The following LTBP1 variants were observed in gnomAD, a reference collection of about 807,000 sequenced individuals.
The protein encoded by LTBP1 is latent transforming growth factor beta binding protein 1, also known as latent-transforming growth factor beta-binding protein 1.
In LTBP1, 129 loss-of-function variants were observed where a neutral mutation model predicts 207.6. The observed-to-expected ratio is 0.62, with a 90% confidence interval of 0.54 to 0.72. The LOEUF is 0.72. Among genes scored for constraint, LTBP1 ranks in the 30% least tolerant of loss-of-function variants. LTBP1 has a pLI of 0.00. For missense variants in LTBP1, 2,281 were observed against 2,217.2 expected, an observed-to-expected ratio of 1.03 and a Z score of -0.58; for synonymous variants, 963 against 833.7, an observed-to-expected ratio of 1.16 and a Z score of -2.67.
At chr2:32,969,735 T>TA (rs1303630938) in intron 2 of LTBP1, among the ~76,000 whole-genome samples, 1 of 152,208 alleles carries the variant, frequency 6.6e-6, no homozygotes, top group East Asian at 1.9e-4. Flanking sequence ...GTGATGAACA[T>TA]ATGCATGCAT....
intron 22 of LTBP1, among the ~76,000 whole-genome samples, chr2:33,306,386 A>G (rs2094094606): frequency 6.6e-6 from 1 of 151,950 alleles, no homozygotes; most frequent in Non-Finnish European, 1.5e-5. Context: ...CCTGGCCAAC[A>G]TGGTAAAACC....
intron 7 of LTBP1, among the ~76,000 whole-genome samples, chr2:33,205,242 G>C (rs544354355): frequency 1.1e-4 from 17 of 152,278 alleles, no homozygotes; most frequent in Admixed American, 4.6e-4. Context: ...ACTTCTCTCT[G>C]TTCCTTAAAT....
chr2:33,138,613 T>C (rs935786900), intron 5 of LTBP1, among the ~76,000 whole-genome samples: 13 of 152,284 alleles, frequency 8.5e-5, no homozygotes, highest in African/African-American at 3.1e-4. Flanking sequence ...ATTTTTAAAT[T>C]GTTTATAAAG....
At chr2:33,011,600 T>C (rs1307715306) in intron 2 of LTBP1, among the ~76,000 whole-genome samples, 2 of 152,014 alleles carry the variant, frequency 1.3e-5, no homozygotes, top group Non-Finnish European at 2.9e-5. Context: ...TGCATTGACC[T>C]TGGACTTTTA....
At chr2:33,315,354 T>A in intron 24 of LTBP1, 85 bp downstream of exon 24, 1 of 1,516,272 alleles carries the variant, frequency 6.6e-7, no homozygotes, top group Non-Finnish European at 9.0e-7. Context: ...TTGAAGACAC[T>A]AAGAGGTACT....
chr2:33,240,081 T>C (rs573114203), intron 9 of LTBP1, among the ~76,000 whole-genome samples: 1 of 152,336 alleles, frequency 6.6e-6, no homozygotes, highest in Admixed American at 6.5e-5. Flanking sequence ...CCAAATAGAA[T>C]TCTGGTTTAC....
At chr2:33,285,223 G>C (rs1463219289) in intron 19 of LTBP1, among the ~76,000 whole-genome samples, 1 of 151,352 alleles carries the variant, frequency 6.6e-6, no homozygotes, top group Non-Finnish European at 1.5e-5. Context: ...TGTATTTTTA[G>C]TAGAGATGGG....
At chr2:33,250,710 G>A (rs1235847910) in intron 10 of LTBP1, among the ~76,000 whole-genome samples, 1 of 152,184 alleles carries the variant, frequency 6.6e-6, no homozygotes, top group African/African-American at 2.4e-5. Flanking sequence ...CCGAGAGGGA[G>A]CTCATGCATG....
intron 31 of LTBP1, among the ~76,000 whole-genome samples, chr2:33,373,576 T>C (rs1374945838): frequency 6.6e-6 from 1 of 152,214 alleles, no homozygotes; most frequent in African/African-American, 2.4e-5. Flanking sequence ...TTGTCAGTTA[T>C]TCATACTCCT....
intron 2 of LTBP1, among the ~76,000 whole-genome samples, chr2:32,979,451 C>T (rs1254903467): frequency 1.3e-5 from 2 of 152,050 alleles, no homozygotes; most frequent in Non-Finnish European, 2.9e-5. Context: ...CATTGGCCCT[C>T]TGATCGTTCA....
chr2:33,286,631 CT>C (rs1424158057), intron 19 of LTBP1, among the ~76,000 whole-genome samples: 2 of 152,182 alleles, frequency 1.3e-5, no homozygotes, highest in African/African-American at 4.8e-5. Context: ...GAGCTGTTGT[CT>C]GTGTATCTAT....
chr2:33,211,087 G>A (rs2090272830), intron 7 of LTBP1, among the ~76,000 whole-genome samples: 1 of 152,094 alleles, frequency 6.6e-6, no homozygotes, highest in African/African-American at 2.4e-5. Context: ...ATAATAAAAT[G>A]AGTTATATAC....
At chr2:33,145,133 A>G (rs1190858114) in intron 5 of LTBP1, among the ~76,000 whole-genome samples, 4 of 152,178 alleles carry the variant, frequency 2.6e-5, no homozygotes, top group Non-Finnish European at 5.9e-5. Context: ...TTGATTTTCT[A>G]TTTAGTTGAA....
chr2:33,359,916 C>T (rs767722359), intron 26 of LTBP1, among the ~76,000 whole-genome samples: 2 of 152,134 alleles, frequency 1.3e-5, no homozygotes, highest in Non-Finnish European at 2.9e-5. Context: ...TTTTATCACA[C>T]AGAGGGTTAA....
At position 33,334,712 on chromosome 2, in the gene LTBP1, G is replaced by C. The variant is rs146650679; in HGVS notation, c.3731-8126G>C. On this transcript the variant is annotated intron_variant, in intron 24 of 33. Coordinates refer to ENST00000404816, the MANE Select transcript of LTBP1 (RefSeq NM_206943.4). ...TGTCTACATAGTGGTTGACAAAAATGGAGCAGTGTTGTTTTAGTTTCTCTG... is the reference window on the plus strand; with the variant it reads ...TGTCTACATAGTGGTTGACAAAAATCGAGCAGTGTTGTTTTAGTTTCTCTG... Among the ~76,000 whole-genome samples the C allele has an allele frequency of 3.7e-3, 556 of 152,168 alleles. 6 individuals carry two copies. The highest frequency in any genetic ancestry group is 0.013 in the African/African-American group (532 of 41,508).
chr2:33,392,239 C>G (rs1017928147), intron 32 of LTBP1, among the ~76,000 whole-genome samples: 1 of 151,254 alleles, frequency 6.6e-6, no homozygotes, highest in Non-Finnish European at 1.5e-5. Context: ...GGCTGGAGTG[C>G]AACGGTGCAA....
Position 33,134,290 on chromosome 2 carries a change from G to A in LTBP1, c.1034-503G>A, listed in dbSNP as rs778048580. ...TGAGACAGATGTTTTCAGACATGCC[G>A]CATGCCTAAAACATTTCCAGGGGTC... On this transcript the variant is annotated intron_variant, in intron 4 of 33. Coordinates refer to ENST00000404816, the MANE Select transcript of LTBP1 (RefSeq NM_206943.4). The surrounding 1 kb of genome is among the most constrained non-coding windows in gnomAD (Gnocchi z 4.4). 2.1e-5 allele frequency: 8 copies of A among 385,478 alleles called. No individual in the cohort carries two copies. Among genetic ancestry groups the A allele is most frequent in the Non-Finnish European group, 4.2e-5 (8 of 191,684 alleles). 23.9% of individuals were successfully genotyped at this position (385,478 alleles called of 1,614,324 possible).
intron 2 of LTBP1, among the ~76,000 whole-genome samples, chr2:33,008,721 T>C (rs552030356): frequency 2.2e-4 from 34 of 152,296 alleles, no homozygotes; most frequent in Non-Finnish European, 2.9e-4. Flanking sequence ...CAGATAAATA[T>C]GCAATATGAT....
chr2:33,058,686 A>G (rs1037604953), intron 3 of LTBP1, among the ~76,000 whole-genome samples: 2 of 152,250 alleles, frequency 1.3e-5, no homozygotes, highest in Non-Finnish European at 2.9e-5. Flanking sequence ...AGTGAATTTC[A>G]TATTTTGATA....
Sources: gnomAD v4.1 joint callset for allele counts (sites outside exome capture counted in the v4.1 genomes callset) on GRCh38, gnomAD v4.1.1 for gene constraint, Gnocchi (gnomAD v3.1) non-coding constraint, MANE v1.5 for transcripts, NCBI Gene and HGNC (gene_info 2026-07-23, HGNC 2026-07-21) for gene names.